The following ABCG8 variants were observed in gnomAD, a reference collection of about 807,000 sequenced individuals.
ABCG8 encodes ATP binding cassette subfamily G member 8.
In ABCG8, 81 loss-of-function variants were observed where a neutral mutation model predicts 71.3. The observed-to-expected ratio is 1.14, with a 90% confidence interval of 0.95 to 1.37. ABCG8 has a LOEUF of 1.37. Among genes scored for constraint, ABCG8 ranks in the 40% most tolerant of loss-of-function variants. The probability of loss-of-function intolerance (pLI) is 0.00; values close to 1 mark genes in which losing one functional copy is unlikely to be tolerated. For synonymous variants in ABCG8, 451 were observed against 354.7 expected (o/e 1.27, Z -3.05); for missense variants, 1,119 against 866.2 (o/e 1.29, Z -3.66).
At chr2:43,859,736 T>C (rs560172609) in intron 6 of ABCG8, among the ~76,000 whole-genome samples, 2 of 151,592 alleles carry the variant, frequency 1.3e-5, no homozygotes, top group Admixed American at 6.6e-5. Context: ...ATTCTCACCC[T>C]CTGGATAGCA....
In ABCG8 at chr2:43,852,647, C is replaced by T. The variant is rs533359544; in HGVS notation, c.743C>T (p.Ala248Val). 8 of 1,614,204 alleles carry T rather than the reference C, an allele frequency of 5.0e-6. No homozygotes were observed. The East Asian group carries it at 1.3e-4, about 27-fold the overall frequency. Residue 248 changes from alanine (A) to valine (V), a missense_variant, in exon 6 of 13, where the codon GCC becomes GTC. Transcript: ENST00000272286. ...ACCTCTGGGCTCGACAGCTTCACAG[C>T]CCACAACCTGGTGAAGACCTTGTCC... ...EPTSGLDSFT[A>V]HNLVKTLSRL...
Position 43,866,899 on chromosome 2 carries a change from A to G in ABCG8, c.965-5077A>G, listed in dbSNP as rs368270160. 1.1e-3 allele frequency among the ~76,000 whole-genome samples: 172 copies of G among 151,284 alleles called. 3 individuals carry two copies. In the East Asian group the frequency reaches 0.025, roughly 22 times the overall value. The stretch of plus-strand genomic sequence containing the variant: ...CTGCTATAAAGACACATGCACACGT[A>G]TGTTTATTGCGGCATTATTCACAAT... On this transcript the variant is annotated intron_variant, in intron 6 of 12. Coordinates refer to ENST00000272286, the MANE Select transcript of ABCG8 (RefSeq NM_022437.3).
At chr2:43,876,694 A>C in intron 11 of ABCG8, among the ~76,000 whole-genome samples, 1 of 147,858 alleles carries the variant, frequency 6.8e-6, no homozygotes, top group South Asian at 2.2e-4. Flanking sequence ...GGGGGAGACC[A>C]TGTCAATATA....
intron 2 of ABCG8, among the ~76,000 whole-genome samples, chr2:43,845,098 G>GTATATA (rs5830773): frequency 3.2e-4 from 42 of 130,136 alleles, no homozygotes; most frequent in African/African-American, 1.0e-3. Flanking sequence ...GTGTGTGTGT[G>GTATATA]TATATATATA....
At chr2:43,869,508 ATTCTCACCATCT>A in intron 6 of ABCG8, among the ~76,000 whole-genome samples, 1 of 152,016 alleles carries the variant, frequency 6.6e-6, no homozygotes, top group East Asian at 1.9e-4. Flanking sequence ...TCTGGATAGA[ATTCTCACCATCT>A]GGATAAAACT....
At position 43,839,059 on chromosome 2, in the gene ABCG8, C is replaced by G. The variant is rs954982677; in HGVS notation, c.6C>G (p.Ala2=). 1.9e-6 allele frequency: 3 copies of G among 1,550,836 alleles called. No homozygotes were observed. The African/African-American group carries it at 4.1e-5, about 21-fold the overall frequency. Residue 2 remains alanine, a synonymous_variant, in exon 1 of 13, where the codon GCC becomes GCG. Transcript: ENST00000272286. M[A]GKAAEERGLP... ...GTCACAGACCTGTGGGCCCCATGGC[C>G]GGGAAGGCGGCAGAGGAGAGAGGGC...
In ABCG8 at chr2:43,875,264, G is replaced by A; in HGVS notation, c.1607G>A (p.Trp536Ter). The A allele has an allele frequency of 6.2e-7, 1 of 1,614,220 alleles. No individual in the cohort carries two copies. The highest frequency in any genetic ancestry group is 1.1e-5 in the South Asian group (1 of 91,084). The change falls in exon 11 of 13, where the codon TGG (tryptophan) becomes TAG (stop). Residue 536 changes from tryptophan (W) to a stop codon, truncating the protein, a stop_gained. Coordinates refer to ENST00000272286, the MANE Select transcript of ABCG8 (RefSeq NM_022437.3). LOFTEE classifies it high-confidence loss of function. ...TTCCTGCTGCACTTCCTGCTGGTGT[G>A]GCTGGTGGTCTTCTGTTGCAGGATT... ...QPFLLHFLLV[W>*]LVVFCCRIMA...
Position 43,872,017 on chromosome 2 carries a change from T to C in ABCG8, c.1006T>C (p.Leu336=), listed in dbSNP as rs375507330. 12 of 1,613,958 alleles carry C rather than the reference T, an allele frequency of 7.4e-6. No homozygotes were observed. Among genetic ancestry groups the C allele is most frequent in the East Asian group, 6.7e-5 (3 of 44,886 alleles). ...TGACAGGCGCAGCAGAGAGCAGGAATTGGCCACCAGGGAGAAGGCTCAGTC... is the reference window on the plus strand; with the variant it reads ...TGACAGGCGCAGCAGAGAGCAGGAACTGGCCACCAGGGAGAAGGCTCAGTC... ...SIDRRSREQE[L]ATREKAQSLA... The change falls in exon 7 of 13, where the codon TTG becomes CTG. Residue 336 remains leucine (L), a synonymous_variant. Coordinates refer to ENST00000272286, the MANE Select transcript of ABCG8 (RefSeq NM_022437.3).
At chr2:43,865,752 G>A (rs993363616) in intron 6 of ABCG8, among the ~76,000 whole-genome samples, 17 of 151,172 alleles carry the variant, frequency 1.1e-4, no homozygotes, top group Non-Finnish European at 2.2e-4. Flanking sequence ...TTAATCTCTG[G>A]ATAGAAGTCT....
chr2:43,844,246 C>A (rs1668668184), intron 1 of ABCG8, among the ~76,000 whole-genome samples: 1 of 152,152 alleles, frequency 6.6e-6, no homozygotes, highest in Non-Finnish European at 1.5e-5. Flanking sequence ...GCTCCACCAG[C>A]CTGAGGTTGA....
intron 1 of ABCG8, among the ~76,000 whole-genome samples, chr2:43,842,624 C>T (rs1361197630): frequency 6.6e-6 from 1 of 152,076 alleles, no homozygotes; most frequent in Non-Finnish European, 1.5e-5. Context: ...AAATATCGTA[C>T]ACAAATCAGC....
intron 6 of ABCG8, among the ~76,000 whole-genome samples, chr2:43,865,659 C>A (rs114844025): frequency 0.022 from 3,200 of 142,902 alleles, 33 homozygotes; most frequent in Middle Eastern, 0.061. Flanking sequence ...CTCACTCTCT[C>A]TCTGGATAGA....
In ABCG8 at chr2:43,875,376, C is replaced by T. The variant is rs201563094; in HGVS notation, c.1719C>T (p.Ala573=). 17 of 1,614,100 alleles carry T rather than the reference C, an allele frequency of 1.1e-5. No homozygotes were observed. The East Asian group carries it at 1.6e-4, about 15-fold the overall frequency. Reference sequence around the variant, plus strand: ...CCCTCTACAACTCCTTCTACCTCGCCGGGGGCTTCATGATAAACTTGAGCA... The same window carrying T: ...CCCTCTACAACTCCTTCTACCTCGCTGGGGGCTTCATGATAAACTTGAGCA... ...SNALYNSFYL[A]GGFMINLSSL... is the part of the protein sequence containing the mutation. Residue 573 remains alanine (A), a synonymous_variant, in exon 11 of 13, where the codon GCC becomes GCT. Transcript: ENST00000272286.
intron 6 of ABCG8, among the ~76,000 whole-genome samples, chr2:43,858,620 A>G (rs1405298491): frequency 1.3e-5 from 2 of 149,794 alleles, no homozygotes; most frequent in South Asian, 4.3e-4. Flanking sequence ...CTCACTATCT[A>G]TCTGGATGGA....
rs967885417 is a variant in ABCG8, at chr2:43,880,735, C to T, written c.*2822C>T. 6.6e-6 allele frequency: 1 copy of T among 152,264 alleles called. No homozygotes were observed. The allele number at this position is 152,264 out of a possible 1,614,324, so 9.4% of individuals were successfully genotyped here. ...GAGTTTACTCTGATAACATCCATTT[C>T]CAATCCAGCATCACAGAGTTGATCC... On this transcript the variant is annotated 3_prime_UTR_variant, in exon 13 of 13. Transcript: ENST00000272286.
At chr2:43,858,357 T>G (rs1669185473) in intron 6 of ABCG8, among the ~76,000 whole-genome samples, 1 of 149,818 alleles carries the variant, frequency 6.7e-6, no homozygotes, top group African/African-American at 2.5e-5. Context: ...TGGGAGGAAC[T>G]CTCACTATCT....
intron 6 of ABCG8, among the ~76,000 whole-genome samples, chr2:43,858,075 G>A (rs1669175419): frequency 6.9e-6 from 1 of 145,438 alleles, no homozygotes; most frequent in Non-Finnish European, 1.5e-5. Flanking sequence ...ACTATCTGGA[G>A]AGAATTCTCA....
intron 3 of ABCG8, chr2:43,846,880 A>C (rs1321802121): frequency 5.5e-6 from 1 of 183,208 alleles, no homozygotes; most frequent in Non-Finnish European, 1.2e-5. Context: ...GGTCATTCTC[A>C]TCATGTTCCA....
intron 3 of ABCG8, chr2:43,848,250 C>G (rs1668807726): frequency 6.6e-6 from 1 of 152,176 alleles, no homozygotes; most frequent in Non-Finnish European, 1.5e-5. Context: ...AGAGGCTCCC[C>G]CAAGCAATTT....
Sources: allele counts gnomAD v4.1 joint callset (sites outside exome capture counted in the v4.1 genomes callset), GRCh38; gene constraint gnomAD v4.1.1; transcripts MANE v1.5; gene names NCBI Gene and HGNC (gene_info 2026-07-23, HGNC 2026-07-21).